The following CADPS2 variants were observed in gnomAD, a reference collection of about 807,000 sequenced individuals.
CADPS2 encodes calcium-dependent secretion activator 2.
Under a neutral mutation model 172.5 loss-of-function variants are expected in CADPS2, and 93 were observed. The observed-to-expected ratio is 0.54, with a 90% CI of 0.46 to 0.64. The LOEUF (loss-of-function observed/expected upper bound fraction) is 0.64, where lower values mean the gene tolerates loss of function less well. Among genes scored for constraint, CADPS2 ranks in the 30% least tolerant of loss-of-function variants. CADPS2 has a pLI of 0.00. For synonymous variants in CADPS2, 546 were observed against 555.2 expected (o/e 0.98, Z 0.23); for missense variants, 1,420 against 1,565.9 (o/e 0.91, Z 1.57).
At chr7:122,537,556 CAAAT>C (rs1344429531) in intron 8 of CADPS2, among the ~76,000 whole-genome samples, 2 of 151,120 alleles carry the variant, frequency 1.3e-5, no homozygotes, top group Non-Finnish European at 3.0e-5. Flanking sequence ...TAAAATAAAA[CAAAT>C]AAAAACAAAA....
chr7:122,757,068 A>C (rs2093194536), intron 1 of CADPS2, among the ~76,000 whole-genome samples: 1 of 139,304 alleles, frequency 7.2e-6, no homozygotes, highest in Non-Finnish European at 1.5e-5. Flanking sequence ...TATATTACAC[A>C]AAGGTGGGGA....
intron 1 of CADPS2, among the ~76,000 whole-genome samples, chr7:122,746,815 G>GCCTT (rs1261967270): frequency 5.9e-5 from 9 of 152,072 alleles, no homozygotes; most frequent in African/African-American, 7.2e-5. Context: ...ATTCACCTGA[G>GCCTT]CCTTACTAAT....
At chr7:122,410,956 A>T (rs1468828208) in intron 19 of CADPS2, among the ~76,000 whole-genome samples, 1 of 152,212 alleles carries the variant, frequency 6.6e-6, no homozygotes, top group Middle Eastern at 3.2e-3. Flanking sequence ...GAGATTAAAT[A>T]ACTTGCCCAA....
chr7:122,698,966 C>A, intron 2 of CADPS2: 2 of 1,293,458 alleles, frequency 1.5e-6, no homozygotes, highest in South Asian at 3.0e-5. Context: ...AGTTGCACAT[C>A]TGTTGACAAT....
chr7:122,320,054 G>T lies in CADPS2; in HGVS notation c.*111C>A. ...AGGCTTACTTTTTAAAGAAATACAA[G>T]CATTTTTATTTGGCCAAAACAAACA... On this transcript the variant is annotated 3_prime_UTR_variant, in exon 30 of 30. Transcript: ENST00000449022. The T allele has an allele frequency of 9.2e-7, 1 of 1,089,426 alleles. No homozygotes were observed. The highest frequency in any genetic ancestry group is 1.2e-6 in the Non-Finnish European group (1 of 820,942). The allele number at this position is 1,089,426 out of a possible 1,614,324, so 67.5% of individuals were successfully genotyped here.
At chr7:122,502,441 T>C (rs1490309900) in intron 9 of CADPS2, among the ~76,000 whole-genome samples, 3 of 152,022 alleles carry the variant, frequency 2.0e-5, no homozygotes, top group Admixed American at 2.0e-4. Flanking sequence ...ATTAAAGTTT[T>C]CTTAGCATTT....
chr7:122,364,351 C>T (rs2151174465), intron 25 of CADPS2, among the ~76,000 whole-genome samples: 2 of 140,008 alleles, frequency 1.4e-5, no homozygotes, highest in Non-Finnish European at 3.0e-5. Context: ...CAAGGCTAAA[C>T]TGAACAATGA....
At chr7:122,725,055 G>A (rs1437970073) in intron 2 of CADPS2, among the ~76,000 whole-genome samples, 3 of 152,036 alleles carry the variant, frequency 2.0e-5, no homozygotes, top group Non-Finnish European at 4.4e-5. Context: ...TAGTTTCGGT[G>A]TAGTTCATGA....
At chr7:122,376,522 G>A (rs1488330039) in intron 25 of CADPS2, among the ~76,000 whole-genome samples, 5 of 152,120 alleles carry the variant, frequency 3.3e-5, no homozygotes, top group Non-Finnish European at 7.4e-5. Context: ...ATTTAAAATA[G>A]TCAAAATAAC....
At chr7:122,652,769 G>C (rs2079305119) in intron 3 of CADPS2, among the ~76,000 whole-genome samples, 1 of 152,016 alleles carries the variant, frequency 6.6e-6, no homozygotes. Context: ...AATTTTATTA[G>C]CACAATAGCT....
At chr7:122,465,640 C>T (rs930101002) in intron 14 of CADPS2, among the ~76,000 whole-genome samples, 4 of 152,168 alleles carry the variant, frequency 2.6e-5, no homozygotes, top group Non-Finnish European at 5.9e-5. Flanking sequence ...CCAAAACCAT[C>T]CCCATCCTAC....
At chr7:122,510,805 A>G (rs757226842) in intron 9 of CADPS2, among the ~76,000 whole-genome samples, 6 of 152,124 alleles carry the variant, frequency 3.9e-5, no homozygotes, top group Non-Finnish European at 7.4e-5. Context: ...GTTCCTCCCA[A>G]TGGGTAATTC....
At chr7:122,860,743 C>T (rs1229178681) in intron 1 of CADPS2, among the ~76,000 whole-genome samples, 1 of 152,130 alleles carries the variant, frequency 6.6e-6, no homozygotes, top group Admixed American at 6.6e-5. Flanking sequence ...GTACCCAATA[C>T]TTTTCCCAGC....
intron 1 of CADPS2, among the ~76,000 whole-genome samples, chr7:122,846,778 C>G (rs1812098988): frequency 6.6e-6 from 1 of 152,200 alleles, no homozygotes; most frequent in South Asian, 2.1e-4. Context: ...TAACAGCTCT[C>G]TTTCACTTCC....
intron 6 of CADPS2, among the ~76,000 whole-genome samples, chr7:122,608,054 T>C (rs1017120186): frequency 1.3e-5 from 2 of 151,894 alleles, no homozygotes; most frequent in Non-Finnish European, 1.5e-5. Flanking sequence ...CTGACTCTAC[T>C]AAAACTACAA....
chr7:122,614,111 G>T (rs1384996573), intron 6 of CADPS2, among the ~76,000 whole-genome samples: 3 of 151,946 alleles, frequency 2.0e-5, no homozygotes, highest in African/African-American at 7.2e-5. Flanking sequence ...AGAATGGGTG[G>T]ATAAGTGTAT....
chr7:122,647,067 C>T (rs1466066454), intron 3 of CADPS2, among the ~76,000 whole-genome samples: 1 of 152,128 alleles, frequency 6.6e-6, no homozygotes, highest in Admixed American at 6.6e-5. Flanking sequence ...TTTAAATCTA[C>T]TGAATTTCAG....
At position 122,605,686 on chromosome 7, in the gene CADPS2, A is replaced by G. The variant is rs1190854869; in HGVS notation, c.1223+9495T>C. Among the ~76,000 whole-genome samples the G allele has an allele frequency of 2.6e-5, 4 of 152,240 alleles. No homozygotes were observed. In the East Asian group the frequency reaches 7.7e-4, roughly 29 times the overall value. ...CTCTGATCTTAAGGATCTAGTCTCA[A>G]AAATCACTGAATTGAGTTTTTATTA... is the stretch of plus-strand genomic sequence containing the variant. On this transcript the variant is annotated intron_variant, in intron 6 of 29. Coordinates refer to ENST00000449022, the MANE Select transcript of CADPS2 (RefSeq NM_017954.11).
chr7:122,613,077 T>C (rs900318865), intron 6 of CADPS2, among the ~76,000 whole-genome samples: 3 of 152,058 alleles, frequency 2.0e-5, no homozygotes, highest in Non-Finnish European at 4.4e-5. Context: ...TATAAAACTA[T>C]GAAAGTCTCA....
Sources: gnomAD v4.1 joint callset for allele counts (sites outside exome capture counted in the v4.1 genomes callset) on GRCh38, gnomAD v4.1.1 for gene constraint, MANE v1.5 for transcripts, NCBI Gene and HGNC (gene_info 2026-07-23, HGNC 2026-07-21) for gene names.